Variants in MYO16 observed in about 807,000 individuals in gnomAD.
MYO16 encodes unconventional myosin-XVI.
MYO16 carries 94 observed loss-of-function variants against 205.3 expected under a neutral mutation model. The observed-to-expected ratio is 0.46, with a 90% CI of 0.39 to 0.54. The LOEUF is 0.54. Among genes scored for constraint, MYO16 ranks in the 20% least tolerant of loss-of-function variants. The probability of loss-of-function intolerance (pLI) is 0.00; values close to 1 mark genes in which losing one functional copy is unlikely to be tolerated. For synonymous variants in MYO16, 988 were observed against 954.0 expected (o/e 1.04, Z -0.66); for missense variants, 2,315 against 2,387.5 (o/e 0.97, Z 0.63).
At chr13:108,788,229 G>A (rs1317198652) in intron 5 of MYO16, among the ~76,000 whole-genome samples, 5 of 152,116 alleles carry the variant, frequency 3.3e-5, no homozygotes, top group African/African-American at 9.7e-5. Flanking sequence ...ATGGAAACTC[G>A]CTGGTCACAA....
At chr13:109,108,182 A>G (rs1889178137) in intron 28 of MYO16, among the ~76,000 whole-genome samples, 1 of 152,032 alleles carries the variant, frequency 6.6e-6, no homozygotes, top group South Asian at 2.1e-4. Flanking sequence ...GTATTTTTAC[A>G]TGTGTGCACA....
At chr13:108,922,137 C>T (rs1881772943) in intron 16 of MYO16, among the ~76,000 whole-genome samples, 1 of 152,144 alleles carries the variant, frequency 6.6e-6, no homozygotes, top group Non-Finnish European at 1.5e-5. Context: ...CAACTGGGGT[C>T]TGGACTTGGA....
intron 27 of MYO16, among the ~76,000 whole-genome samples, chr13:109,060,725 A>C (rs184517476): frequency 2.0e-5 from 3 of 152,176 alleles, no homozygotes; most frequent in Non-Finnish European, 2.9e-5. Context: ...GGGTAGACTT[A>C]GCATAATTCT....
chr13:108,806,833 A>C (rs1887129918), intron 7 of MYO16, 29 bp downstream of exon 7: 1 of 1,404,876 alleles, frequency 7.1e-7, no homozygotes, highest in Admixed American at 2.3e-5. Flanking sequence ...TTCTTTAAAA[A>C]ATAATTTTAT....
intron 11 of MYO16, among the ~76,000 whole-genome samples, chr13:108,863,493 A>T (rs1878554413): frequency 6.6e-6 from 1 of 152,128 alleles, no homozygotes; most frequent in African/African-American, 2.4e-5. Flanking sequence ...TATTAGTTAC[A>T]ATTATTGATC....
At chr13:108,651,270 C>T (rs1029576357) in intron 1 of MYO16, among the ~76,000 whole-genome samples, 2 of 152,208 alleles carry the variant, frequency 1.3e-5, no homozygotes, top group Admixed American at 6.5e-5. Flanking sequence ...GCATAGTACA[C>T]TCTGTCAGCC....
chr13:108,534,936 CTCT>C, the MYO16 span, among the ~76,000 whole-genome samples: 1 of 149,410 alleles, frequency 6.7e-6, no homozygotes, highest in African/African-American at 2.5e-5. Flanking sequence ...CCTTCTTCCT[CTCT>C]TCTTTCTTCT....
intron 17 of MYO16, among the ~76,000 whole-genome samples, chr13:108,960,524 A>G (rs976196854): frequency 2.6e-5 from 4 of 152,188 alleles, no homozygotes; most frequent in Admixed American, 1.3e-4. Flanking sequence ...TATGAAAACT[A>G]CAAGCTCTGG....
chr13:108,813,697 A>G (rs1166709453), intron 7 of MYO16, among the ~76,000 whole-genome samples: 1 of 152,152 alleles, frequency 6.6e-6, no homozygotes, highest in African/African-American at 2.4e-5. Flanking sequence ...CACACAACAC[A>G]TACACACTCT....
intron 7 of MYO16, among the ~76,000 whole-genome samples, chr13:108,812,508 T>A (rs1594313837): frequency 1.1e-5 from 1 of 87,384 alleles, no homozygotes; most frequent in Non-Finnish European, 2.6e-5. Context: ...GAAATCATCC[T>A]GGAGATTTCC....
At chr13:108,911,781 C>A (rs975885231) in intron 16 of MYO16, among the ~76,000 whole-genome samples, 1 of 152,086 alleles carries the variant, frequency 6.6e-6, no homozygotes, top group African/African-American at 2.4e-5. Context: ...GGTGTTAGCA[C>A]TCATGGTAAT....
In MYO16 at chr13:109,140,983, C is replaced by A. The variant is rs780353228; in HGVS notation, c.4771C>A (p.Pro1591Thr). 81 of 1,394,180 alleles carry A rather than the reference C, an allele frequency of 5.8e-5. No homozygotes were observed. The highest frequency in any genetic ancestry group is 7.4e-5 in the Non-Finnish European group (79 of 1,070,750). The allele number at this position is 1,394,180 out of a possible 1,614,324, so 86.4% of individuals were successfully genotyped here. A position where few individuals can be genotyped will look rare whatever the true frequency, so the allele number is the denominator to read the frequency against. ...GTTCAACGGGTCCGGCCGAGCCTCC[C>A]CGCCGTCCACGCCGCCCCCGCCCCC... is the stretch of plus-strand genomic sequence containing the variant. ...ALFNGSGRAS[P>T]PSTPPPPPPP... The change falls in exon 32 of 35, where the codon CCG becomes ACG. Residue 1591 changes from proline (P) to threonine (T), a missense_variant. Physicochemically the swap from Pro to Thr is conservative, Grantham distance 38. Around this residue, in one of 3 missense-constraint regions of MYO16, gnomAD observed 1,097 missense variants for 1,092.0 expected, o/e 1.00. Coordinates refer to ENST00000457511, the MANE Select transcript of MYO16 (RefSeq NM_001198950.3). This position sits in a 1 kb window ranked among gnomAD's most constrained non-coding sequence, Gnocchi z 8.0.
chr13:108,509,157 C>A, the MYO16 span, among the ~76,000 whole-genome samples: 1 of 152,086 alleles, frequency 6.6e-6, no homozygotes, highest in Admixed American at 6.5e-5. Flanking sequence ...AGATCTGAAA[C>A]CTTCAGGGAG....
intron 23 of MYO16, among the ~76,000 whole-genome samples, chr13:109,029,062 T>C (rs527546595): frequency 6.6e-6 from 1 of 152,006 alleles, no homozygotes; most frequent in Admixed American, 6.6e-5. Context: ...CGATTCTAGA[T>C]GATCTAGTGA....
At chr13:108,653,646 A>G (rs78489800) in intron 1 of MYO16, among the ~76,000 whole-genome samples, 8,567 of 151,924 alleles carry the variant, frequency 0.056, 580 homozygotes, top group East Asian at 0.18. Context: ...GAAAACTGGT[A>G]TCATTTAGTA....
intron 20 of MYO16, among the ~76,000 whole-genome samples, chr13:108,978,372 C>T (rs1302938749): frequency 1.3e-5 from 2 of 151,960 alleles, no homozygotes; most frequent in Non-Finnish European, 2.9e-5. Flanking sequence ...AAATATTTGC[C>T]ATTAAGTAAT....
intron 22 of MYO16, among the ~76,000 whole-genome samples, chr13:109,015,826 A>G (rs1053328120): frequency 4.0e-5 from 6 of 151,664 alleles, no homozygotes; most frequent in African/African-American, 1.5e-4. Context: ...ATCATTTTTT[A>G]TTGTGTCTAT....
chr13:108,842,695 A>G (rs1258773223), intron 9 of MYO16, among the ~76,000 whole-genome samples: 1 of 152,120 alleles, frequency 6.6e-6, no homozygotes, highest in Non-Finnish European at 1.5e-5. Flanking sequence ...ACAAGTATGG[A>G]GTTTCCTCAA....
At position 109,125,846 on chromosome 13, in the gene MYO16, G is replaced by A. The variant is rs984832579; in HGVS notation, c.3782+488G>A. Among the ~76,000 whole-genome samples the A allele has an allele frequency of 5.9e-5, 9 of 152,282 alleles. No individual in the cohort carries two copies. The highest frequency in any genetic ancestry group is 1.4e-4 in the African/African-American group (6 of 41,550). On this transcript the variant is annotated intron_variant, in intron 30 of 34. Coordinates refer to ENST00000457511, the MANE Select transcript of MYO16 (RefSeq NM_001198950.3). The surrounding 1 kb of genome is among the most constrained non-coding windows in gnomAD (Gnocchi z 4.0). ...TATATATCCCTGTGTAAACTGTCAC[G>A]TCTCTCTTTACCAATAAAGCAAGCT... is the stretch of plus-strand genomic sequence containing the variant.
Sources: gnomAD v4.1 joint callset for allele counts (sites outside exome capture counted in the v4.1 genomes callset) on GRCh38, gnomAD v4.1.1 for gene constraint, gnomAD v4.1.1 regional missense constraint, Gnocchi (gnomAD v3.1) non-coding constraint, MANE v1.5 for transcripts, NCBI Gene and HGNC (gene_info 2026-07-23, HGNC 2026-07-21) for gene names.